The following CMIP variants were observed in gnomAD, a reference collection of about 807,000 sequenced individuals.
CMIP encodes c-Maf inducing protein.
A neutral mutation model predicts 97.3 loss-of-function variants in CMIP; 13 were observed. That is an observed-to-expected ratio of 0.13 (90% CI 0.09 to 0.21). The LOEUF (loss-of-function observed/expected upper bound fraction) is 0.21. Ranked by LOEUF, CMIP falls within the 10% of genes least tolerant of loss-of-function variation. The pLI is 1.00. For missense variants in CMIP, 847 were observed against 1,024.9 expected, an observed-to-expected ratio of 0.83 and a Z score of 2.37; for synonymous variants, 538 against 436.3, an observed-to-expected ratio of 1.23 and a Z score of -2.91.
chr16:81,602,217 C>T (rs901244511), intron 1 of CMIP, among the ~76,000 whole-genome samples: 1 of 151,954 alleles, frequency 6.6e-6, no homozygotes, highest in Non-Finnish European at 1.5e-5. Context: ...GCTTGCCATT[C>T]AGAGCAGGGA....
intron 3 of CMIP, among the ~76,000 whole-genome samples, chr16:81,629,027 T>G (rs2092114639): frequency 6.8e-6 from 1 of 147,406 alleles, no homozygotes; most frequent in Non-Finnish European, 1.5e-5. Context: ...TCCCAGCTAC[T>G]CAGGAGGCTG....
intron 7 of CMIP, chr16:81,665,942 G>C (rs1029690938): frequency 6.6e-6 from 1 of 152,282 alleles, no homozygotes; most frequent in Non-Finnish European, 1.5e-5. Context: ...TACCCTAAGC[G>C]ATTGCAAACT....
chr16:81,455,347 T>C (rs1240453629), intron 1 of CMIP, among the ~76,000 whole-genome samples: 2 of 152,204 alleles, frequency 1.3e-5, no homozygotes, highest in African/African-American at 2.4e-5. Context: ...TGTTACTCTC[T>C]CCATTTTACC....
At chr16:81,626,511 ATGTG>A (rs770772362) in intron 3 of CMIP, among the ~76,000 whole-genome samples, 7 of 129,324 alleles carry the variant, frequency 5.4e-5, no homozygotes, top group Admixed American at 3.1e-4. Flanking sequence ...GTGACTGAGC[ATGTG>A]TGTGTGTGGT....
chr16:81,615,761 C>A (rs990624000), intron 2 of CMIP, among the ~76,000 whole-genome samples: 19 of 151,504 alleles, frequency 1.3e-4, no homozygotes, highest in Admixed American at 1.1e-3. Flanking sequence ...GTGTATGTGT[C>A]TTTGTGTGTG....
chr16:81,516,064 C>G (rs965139225), intron 1 of CMIP, among the ~76,000 whole-genome samples: 2 of 152,210 alleles, frequency 1.3e-5, no homozygotes, highest in African/African-American at 4.8e-5. Flanking sequence ...TTGCTAATCT[C>G]TGGGTTGCTC....
chr16:81,456,639 G>A (rs1201482452), intron 1 of CMIP, among the ~76,000 whole-genome samples: 5 of 152,220 alleles, frequency 3.3e-5, no homozygotes, highest in Admixed American at 6.5e-5. Context: ...ACTGAGGCCC[G>A]GAGAGGAGAG....
chr16:81,590,200 G>A (rs569384266), intron 1 of CMIP, among the ~76,000 whole-genome samples: 8 of 152,302 alleles, frequency 5.3e-5, no homozygotes, highest in Admixed American at 5.2e-4. Flanking sequence ...GTTTCCCTCT[G>A]CTCGTCGGAC....
intron 1 of CMIP, among the ~76,000 whole-genome samples, chr16:81,500,985 A>G (rs191666799): frequency 2.0e-5 from 3 of 152,334 alleles, no homozygotes; most frequent in East Asian, 1.9e-4. Flanking sequence ...CCCTCTGCCA[A>G]TTGGTTAGCA....
At chr16:81,555,831 G>A (rs1380735343) in intron 1 of CMIP, among the ~76,000 whole-genome samples, 1 of 152,192 alleles carries the variant, frequency 6.6e-6, no homozygotes. Context: ...GGGGGAGACT[G>A]ATTCCTGCCA....
chr16:81,507,128 C>T (rs1467206401), intron 1 of CMIP, among the ~76,000 whole-genome samples: 4 of 151,908 alleles, frequency 2.6e-5, no homozygotes, highest in South Asian at 2.1e-4. Context: ...TGGTGGCGGG[C>T]GCCTGTAGTC....
At position 81,453,396 on chromosome 16, in the gene CMIP, G is replaced by T. The variant is rs1055070681; in HGVS notation, c.300+7855G>T. Among the ~76,000 whole-genome samples, 3 of 152,236 alleles carry T rather than the reference G, an allele frequency of 2.0e-5. No homozygotes were observed. Among genetic ancestry groups the T allele is most frequent in the African/African-American group, 7.2e-5 (3 of 41,468 alleles). ...GGCTGGGCTGGCTGCATCCAGCTCA[G>T]GTGGGGTCATATGGAGAAGGAAGAT... On this transcript the variant is annotated intron_variant, in intron 1 of 20. Transcript: ENST00000537098. This position sits in a 1 kb window ranked among gnomAD's most constrained non-coding sequence, Gnocchi z 4.0.
intron 1 of CMIP, among the ~76,000 whole-genome samples, chr16:81,489,576 G>A (rs1373352329): frequency 6.6e-6 from 1 of 152,178 alleles, no homozygotes; most frequent in African/African-American, 2.4e-5. Context: ...TCAGAGTGCA[G>A]GAACCCAGCA....
chr16:81,467,884 T>TC (rs1000457524), intron 1 of CMIP, among the ~76,000 whole-genome samples: 1 of 126,604 alleles, frequency 7.9e-6, no homozygotes, highest in African/African-American at 3.1e-5. Context: ...CCTGGCCTTC[T>TC]TTTTTTTTTT....
chr16:81,603,384 G>T (rs1417688112), intron 1 of CMIP: 1 of 454,264 alleles, frequency 2.2e-6, no homozygotes. Flanking sequence ...GCCCGGCCTT[G>T]TTTTTGTTTT....
chr16:81,692,922 A>G (rs991144798), intron 11 of CMIP, among the ~76,000 whole-genome samples: 11 of 152,136 alleles, frequency 7.2e-5, no homozygotes, highest in African/African-American at 2.7e-4. Context: ...GGCACAGGGA[A>G]CTTTCGGGAA....
chr16:81,704,905 G>C (rs376881957), intron 18 of CMIP, among the ~76,000 whole-genome samples: 3 of 151,928 alleles, frequency 2.0e-5, no homozygotes, highest in African/African-American at 7.2e-5. Flanking sequence ...GAGGTTCTGA[G>C]AGGTAGAGCT....
intron 1 of CMIP, among the ~76,000 whole-genome samples, chr16:81,554,357 A>G (rs2090719420): frequency 6.6e-6 from 1 of 152,240 alleles, no homozygotes; most frequent in African/African-American, 2.4e-5. Flanking sequence ...AGAAAGATTC[A>G]GAGAAATATC....
At chr16:81,534,194 A>G (rs1040354893) in intron 1 of CMIP, among the ~76,000 whole-genome samples, 3 of 152,224 alleles carry the variant, frequency 2.0e-5, no homozygotes, top group East Asian at 1.9e-4. Context: ...CAGCAAGGCC[A>G]CACATACCCA....
Sources: allele counts gnomAD v4.1 joint callset (sites outside exome capture counted in the v4.1 genomes callset), GRCh38; gene constraint gnomAD v4.1.1; non-coding constraint Gnocchi (gnomAD v3.1); transcripts MANE v1.5; gene names NCBI Gene and HGNC (gene_info 2026-07-23, HGNC 2026-07-21).